AFG2A: variants seen among roughly 807,000 people sequenced by gnomAD.
AFG2A encodes ATPase family gene 2 protein homolog A.
chr4:123,319,304 T>G, the AFG2A span: 1 of 152,218 alleles, frequency 6.6e-6, no homozygotes, highest in Admixed American at 6.5e-5. Flanking sequence ...TTACTGAAGT[T>G]CCAGAATGTG....
chr4:123,103,827 T>G, the AFG2A span, among the ~76,000 whole-genome samples: 1 of 152,116 alleles, frequency 6.6e-6, no homozygotes, highest in Non-Finnish European at 1.5e-5. Context: ...AAGGAACAAA[T>G]TATTGATATA....
the AFG2A span, chr4:123,057,387 T>C: frequency 3.9e-6 from 5 of 1,284,910 alleles, no homozygotes; most frequent in Non-Finnish European, 5.4e-6. Context: ...AACTTTTATC[T>C]ATTAATACAT....
chr4:122,990,742 T>G, the AFG2A span, among the ~76,000 whole-genome samples: 26 of 152,172 alleles, frequency 1.7e-4, no homozygotes, highest in Non-Finnish European at 8.8e-5. Context: ...GCACATGCCA[T>G]TGCACCTTAT....
the AFG2A span, among the ~76,000 whole-genome samples, chr4:123,115,291 C>T: frequency 1.3e-5 from 2 of 152,084 alleles, no homozygotes; most frequent in Non-Finnish European, 2.9e-5. Context: ...TTGTCGGGAG[C>T]GCCAGGCTGA....
chr4:122,933,572 C>T, the AFG2A span: 1 of 1,095,816 alleles, frequency 9.1e-7, no homozygotes, highest in East Asian at 2.4e-5. Flanking sequence ...TCTTTGAGGG[C>T]TTATATATGC....
At chr4:123,145,187 A>G in the AFG2A span, among the ~76,000 whole-genome samples, 2 of 151,996 alleles carry the variant, frequency 1.3e-5, no homozygotes, top group Non-Finnish European at 2.9e-5. Context: ...TCTATTACTC[A>G]TTTTTCAATT....
At chr4:122,981,463 CTTT>C in the AFG2A span, among the ~76,000 whole-genome samples, 55 of 118,960 alleles carry the variant, frequency 4.6e-4, no homozygotes, top group Non-Finnish European at 8.2e-4. Context: ...ATGCCTACAG[CTTT>C]TTTTTTTTTT....
chr4:123,176,419 A>G, the AFG2A span, among the ~76,000 whole-genome samples: 1 of 152,212 alleles, frequency 6.6e-6, no homozygotes, highest in Non-Finnish European at 1.5e-5. Flanking sequence ...TCAGTACTAC[A>G]ACAATACACA....
At chr4:123,114,030 T>C in the AFG2A span, among the ~76,000 whole-genome samples, 137,130 of 151,180 alleles carry the variant, frequency 0.91, 62,425 homozygotes, top group East Asian at 0.98. Context: ...CTGCAGCTCT[T>C]AGCAGAGAGG....
chr4:123,313,842 G>A, the AFG2A span: 3 of 1,494,356 alleles, frequency 2.0e-6, no homozygotes, highest in African/African-American at 4.2e-5. Context: ...AAAGAGTACT[G>A]ATTGTTTTCT....
chr4:123,128,790 T>C, the AFG2A span, among the ~76,000 whole-genome samples: 1 of 152,178 alleles, frequency 6.6e-6, no homozygotes, highest in African/African-American at 2.4e-5. Context: ...GTGTGATTTC[T>C]GGGTCAGTGG....
At chr4:123,289,955 A>G in the AFG2A span, among the ~76,000 whole-genome samples, 2 of 152,052 alleles carry the variant, frequency 1.3e-5, no homozygotes, top group Non-Finnish European at 2.9e-5. Context: ...CTACCAACCC[A>G]TCACCTAAGT....
At chr4:123,061,577 T>G in the AFG2A span, among the ~76,000 whole-genome samples, 18 of 152,114 alleles carry the variant, frequency 1.2e-4, no homozygotes, top group African/African-American at 3.6e-4. Flanking sequence ...GGAAACCACC[T>G]CCATGATTCG....
the AFG2A span, among the ~76,000 whole-genome samples, chr4:122,951,954 G>A: frequency 6.6e-6 from 1 of 152,182 alleles, no homozygotes; most frequent in African/African-American, 2.4e-5. Flanking sequence ...GGAGCTCTGA[G>A]CTCAAGGGGC....
At chr4:123,137,966 A>G in the AFG2A span, among the ~76,000 whole-genome samples, 1 of 152,204 alleles carries the variant, frequency 6.6e-6, no homozygotes, top group Non-Finnish European at 1.5e-5. Context: ...ATCTAGGTCA[A>G]GAAGATAGGG....
At chr4:122,985,281 C>T in the AFG2A span, among the ~76,000 whole-genome samples, 3 of 151,952 alleles carry the variant, frequency 2.0e-5, no homozygotes, top group South Asian at 2.1e-4. Context: ...AAGCATGTGC[C>T]ATCACGCCTG....
chr4:122,989,525 G>A, the AFG2A span, among the ~76,000 whole-genome samples: 2 of 152,120 alleles, frequency 1.3e-5, no homozygotes, highest in African/African-American at 4.8e-5. Context: ...GCACTGAGGT[G>A]GGCCTTGAAT....
At chr4:123,312,644 C>A in the AFG2A span, among the ~76,000 whole-genome samples, 8 of 152,194 alleles carry the variant, frequency 5.3e-5, no homozygotes, top group African/African-American at 1.9e-4. Flanking sequence ...TTTTACTAAT[C>A]CCTTGAAGTT....
the AFG2A span, among the ~76,000 whole-genome samples, chr4:123,164,236 G>A: frequency 6.6e-6 from 1 of 152,060 alleles, no homozygotes; most frequent in Admixed American, 6.6e-5. Flanking sequence ...CACAGCCCCA[G>A]TTCTTCCATA....
Sources: gnomAD v4.1 joint callset for allele counts (sites outside exome capture counted in the v4.1 genomes callset) on GRCh38, gnomAD v4.1.1 for gene constraint, MANE v1.5 for transcripts, NCBI Gene and HGNC (gene_info 2026-07-23, HGNC 2026-07-21) for gene names.